Variants in ZNF16 observed in about 807,000 individuals in gnomAD.
The protein encoded by ZNF16 is zinc finger protein KOX9.
Under a neutral mutation model 9.0 loss-of-function variants are expected in ZNF16, and 7 were observed. The observed-to-expected ratio is 0.78, with a 90% CI of 0.44 to 1.47. The LOEUF (loss-of-function observed/expected upper bound fraction) is 1.47. Among genes scored for constraint, ZNF16 ranks in the 40% most tolerant of loss-of-function variants. The pLI, the probability that ZNF16 is intolerant of heterozygous loss-of-function variation, is 0.01. For missense variants in ZNF16, 830 were observed against 854.2 expected, an observed-to-expected ratio of 0.97 and a Z score of 0.35; for synonymous variants, 312 against 301.5, an observed-to-expected ratio of 1.03 and a Z score of -0.36.
intron 2 of ZNF16, among the ~76,000 whole-genome samples, chr8:144,935,659 T>A (rs1200745927): frequency 2.0e-5 from 3 of 152,178 alleles, no homozygotes; most frequent in Admixed American, 6.5e-5. Flanking sequence ...ACACCTTCTG[T>A]GAAGAGGAAA....
At chr8:144,942,627 G>C (rs962967655) in intron 2 of ZNF16, among the ~76,000 whole-genome samples, 3 of 152,118 alleles carry the variant, frequency 2.0e-5, no homozygotes, top group African/African-American at 7.2e-5. Context: ...CATGATGATT[G>C]CAATGAACGT....
chr8:144,945,457 G>A (rs1340852247), intron 2 of ZNF16: 3 of 152,242 alleles, frequency 2.0e-5, no homozygotes, highest in African/African-American at 4.8e-5. Flanking sequence ...TTTTTTAGTA[G>A]AGATAGGGTC....
In ZNF16 at chr8:144,930,423, T is replaced by C. The variant is rs1833493841; in HGVS notation, c.*315A>G. The C allele has an allele frequency of 3.5e-6, 1 of 282,948 alleles. No individual in the cohort carries two copies. Among genetic ancestry groups the C allele is most frequent in the Non-Finnish European group, 6.6e-6 (1 of 152,508 alleles). 17.5% of individuals were successfully genotyped at this position (282,948 alleles called of 1,614,324 possible). A position where few individuals can be genotyped will look rare whatever the true frequency, so the allele number is the denominator to read the frequency against. On this transcript the variant is annotated 3_prime_UTR_variant, in exon 3 of 3. Transcript: ENST00000394909. ...CGTCACTTTACTTTTTTGGTAACTT[T>C]TCATTATAATAATAAACTCTATTCA...
intron 2 of ZNF16, among the ~76,000 whole-genome samples, chr8:144,935,334 C>T (rs1179710277): frequency 3.3e-5 from 5 of 152,058 alleles, no homozygotes; most frequent in African/African-American, 1.2e-4. Context: ...TCCCGAGTAG[C>T]TGGGATTACA....
intron 2 of ZNF16, among the ~76,000 whole-genome samples, chr8:144,936,501 T>C (rs1206094488): frequency 6.6e-6 from 1 of 152,204 alleles, no homozygotes; most frequent in Non-Finnish European, 1.5e-5. Context: ...CATTTTACAT[T>C]CCAGCCAGCG....
chr8:144,947,243 G>GT, intron 1 of ZNF16, among the ~76,000 whole-genome samples: 1 of 134,296 alleles, frequency 7.4e-6, no homozygotes, highest in African/African-American at 3.1e-5. Flanking sequence ...GTGTCCTGCT[G>GT]TGGGGCCTGT....
chr8:144,947,550 A>G (rs1833994679), intron 1 of ZNF16, among the ~76,000 whole-genome samples: 1 of 152,158 alleles, frequency 6.6e-6, no homozygotes, highest in Non-Finnish European at 1.5e-5. Flanking sequence ...ACATGTCATC[A>G]TTATGTGTCA....
In ZNF16 at chr8:144,946,063, G is replaced by C. The variant is rs770302702; in HGVS notation, c.144C>G (p.Pro48=). 3 of 1,613,572 alleles carry C rather than the reference G, an allele frequency of 1.9e-6. No individual in the cohort carries two copies. The highest frequency in any genetic ancestry group is 2.5e-6 in the Non-Finnish European group (3 of 1,179,624). Residue 48 remains proline (P), a synonymous_variant, in exon 2 of 3, where the codon CCC becomes CCG. Transcript: ENST00000394909. The part of the protein sequence containing the change: ...THPGSAACGT[P]CCSDTELEAI... ...CTTCCAGCTCAGTATCACTACAGCA[G>C]GGGGTACCACAGGCTGCAGATCCAG... is the stretch of plus-strand genomic sequence containing the variant.
intron 2 of ZNF16, among the ~76,000 whole-genome samples, chr8:144,937,148 T>TTC (rs1833705126): frequency 7.7e-6 from 1 of 130,218 alleles, no homozygotes; most frequent in African/African-American, 3.5e-5. Flanking sequence ...TCTCTCTTTT[T>TTC]TTTTTTTTTT....
At position 144,933,966 on chromosome 8, in the gene ZNF16, C is replaced by T. The variant is rs536404086; in HGVS notation, c.197-1376G>A. Among the ~76,000 whole-genome samples, 99 of 152,346 alleles carry T rather than the reference C, an allele frequency of 6.5e-4. No homozygotes were observed. Among genetic ancestry groups the T allele is most frequent in the South Asian group, 5.8e-3 (28 of 4,834 alleles). On this transcript the variant is annotated intron_variant, in intron 2 of 2. Transcript: ENST00000394909. This position sits in a 1 kb window ranked among gnomAD's most constrained non-coding sequence, Gnocchi z 5.6. The stretch of plus-strand genomic sequence containing the variant: ...GGAAGACCTCTGGTCTAGCTGTAGT[C>T]GGTAGTGCTGAGTGGGTGTGAAGGA...
In ZNF16 at chr8:144,931,442, T is replaced by C. The variant is rs1287978405; in HGVS notation, c.1345A>G (p.Ile449Val). ...CCAGTGTGAATTCTCCGATGCTGAA[T>C]AAGGCTGGAGCTCTGACTAAATGCT... is the stretch of plus-strand genomic sequence containing the variant. The part of the protein sequence containing the change: ...GKAFSQSSSL[I>V]QHRRIHTGEK... The change falls in exon 3 of 3, where the codon ATT (isoleucine) becomes GTT (valine). Residue 449 changes from isoleucine (I) to valine (V), a missense_variant. Coordinates refer to ENST00000394909, the MANE Select transcript of ZNF16 (RefSeq NM_006958.3). 6.2e-7 allele frequency: 1 copy of C among 1,614,160 alleles called. No homozygotes were observed.
At chr8:144,942,381 G>T (rs1434658453) in intron 2 of ZNF16, among the ~76,000 whole-genome samples, 1 of 151,738 alleles carries the variant, frequency 6.6e-6, no homozygotes, top group Non-Finnish European at 1.5e-5. Flanking sequence ...TCTGCCTCCT[G>T]GGTTCAAGCA....
Position 144,930,683 on chromosome 8 carries a change from A to C in ZNF16, c.*55T>G. On this transcript the variant is annotated 3_prime_UTR_variant, in exon 3 of 3. Coordinates refer to ENST00000394909, the MANE Select transcript of ZNF16 (RefSeq NM_006958.3). Reference sequence around the variant, plus strand: ...AGTGGCAGAGGCTGAGACAATGGCCAAAGAGGAGTTGGAGAGGAAACTATG... The same window carrying C: ...AGTGGCAGAGGCTGAGACAATGGCCCAAGAGGAGTTGGAGAGGAAACTATG... The C allele has an allele frequency of 6.6e-7, 1 of 1,509,540 alleles. No homozygotes were observed. The highest frequency in any genetic ancestry group is 2.3e-5 in the Admixed American group (1 of 43,262). The allele number at this position is 1,509,540 out of a possible 1,614,324, so 93.5% of individuals were successfully genotyped here.
intron 2 of ZNF16, among the ~76,000 whole-genome samples, chr8:144,942,069 C>T (rs1286348907): frequency 2.7e-5 from 4 of 149,108 alleles, no homozygotes; most frequent in African/African-American, 1.0e-4. Context: ...GCTCCGTCTC[C>T]CGGGTTCACG....
In ZNF16 at chr8:144,931,160, T is replaced by C; in HGVS notation, c.1627A>G (p.Lys543Glu). 1 of 1,614,212 alleles carries C rather than the reference T, an allele frequency of 6.2e-7. No homozygotes were observed. The highest frequency in any genetic ancestry group is 8.5e-7 in the Non-Finnish European group (1 of 1,180,034). The change falls in exon 3 of 3, where the codon AAG becomes GAG. Residue 543 changes from lysine (K) to glutamate (E), a missense_variant. Lys to Glu is a moderately conservative substitution (Grantham distance 56, BLOSUM62 1). Transcript: ENST00000394909. ...ILHQRVHTGE[K>E]PYECTECGKT... ...CCACATTCAGTACATTCATAGGGCT[T>C]CTCTCCAGTGTGGACTCGCTGGTGA...
chr8:144,945,867 T>G, intron 2 of ZNF16, 144 bp downstream of exon 2: 1 of 1,425,962 alleles, frequency 7.0e-7, no homozygotes, highest in Non-Finnish European at 9.2e-7. Flanking sequence ...CTTGCTGACA[T>G]CCAGCCTTGG....
intron 2 of ZNF16, chr8:144,944,054 GTTT>G (rs1175553415): frequency 7.1e-6 from 1 of 141,338 alleles, no homozygotes; most frequent in South Asian, 2.2e-4. Flanking sequence ...GTTCTCTATG[GTTT>G]TTTTTTTTCT....
At position 144,946,579 on chromosome 8, in the gene ZNF16, G is replaced by A. The variant is rs866575788; in HGVS notation, c.-9-364C>T. On this transcript the variant is annotated intron_variant, in intron 1 of 2. Transcript: ENST00000394909. The stretch of plus-strand genomic sequence containing the variant: ...GGCCTGTACCCTGCTGTGGGCCTGT[G>A]TCCTGCTGTGGGTCTGTATCCTGCT... Among the ~76,000 whole-genome samples, 1,102 of 128,256 alleles carry A rather than the reference G, an allele frequency of 8.6e-3. 50 individuals carry two copies. The highest frequency in any genetic ancestry group is 0.031 in the African/African-American group (891 of 29,164). 84.1% of individuals were successfully genotyped at this position (128,256 alleles called of 152,430 possible).
At chr8:144,945,422 A>C (rs1467838546) in intron 2 of ZNF16, 4 of 152,346 alleles carry the variant, frequency 2.6e-5, no homozygotes, top group African/African-American at 9.7e-5. Flanking sequence ...TACAGGCGAG[A>C]GTGATCACAC....
Sources: gnomAD v4.1 joint callset for allele counts (sites outside exome capture counted in the v4.1 genomes callset) on GRCh38, gnomAD v4.1.1 for gene constraint, Gnocchi (gnomAD v3.1) non-coding constraint, MANE v1.5 for transcripts, NCBI Gene and HGNC (gene_info 2026-07-23, HGNC 2026-07-21) for gene names.